Variants in SVOPL observed in about 807,000 individuals in gnomAD.
The protein encoded by SVOPL is SVOP like.
SVOPL carries 60 observed loss-of-function variants against 61.0 expected under a neutral mutation model. That is an observed-to-expected ratio of 0.98 (90% CI 0.80 to 1.22). The LOEUF is 1.22. Ranked by LOEUF, SVOPL falls within the 50% of genes most tolerant of loss-of-function variation. SVOPL has a pLI of 0.00. For synonymous variants in SVOPL, 279 were observed against 250.0 expected (o/e 1.12, Z -1.09); for missense variants, 662 against 643.9 (o/e 1.03, Z -0.30).
intron 3 of SVOPL, 72 bp downstream of exon 3, chr7:138,678,362 G>C: frequency 6.8e-7 from 1 of 1,478,528 alleles, no homozygotes; most frequent in Non-Finnish European, 9.1e-7. Flanking sequence ...CTCATATTTG[G>C]CTCAGAATAA....
intron 14 of SVOPL, among the ~76,000 whole-genome samples, chr7:138,608,688 A>C (rs1288909479): frequency 2.0e-5 from 3 of 149,566 alleles, no homozygotes; most frequent in African/African-American, 7.5e-5. Context: ...AAAAGTGTAC[A>C]CTCCCCCCCC....
intron 1 of SVOPL, among the ~76,000 whole-genome samples, chr7:138,691,796 C>T (rs1315065609): frequency 6.6e-6 from 1 of 151,972 alleles, no homozygotes; most frequent in Non-Finnish European, 1.5e-5. Context: ...CCACCTCGGC[C>T]TCCCAAAGTG....
intron 9 of SVOPL, among the ~76,000 whole-genome samples, chr7:138,638,314 A>G (rs1800605225): frequency 6.6e-6 from 1 of 151,744 alleles, no homozygotes; most frequent in Admixed American, 6.6e-5. Context: ...AAATTAACAC[A>G]ATAGAAAGGA....
At chr7:138,629,920 G>C in intron 10 of SVOPL, 129 bp downstream of exon 10, 1 of 696,928 alleles carries the variant, frequency 1.4e-6, no homozygotes. Flanking sequence ...ACAAAACATT[G>C]CTTGTCTTTG....
chr7:138,628,819 T>A lies in SVOPL; in HGVS notation c.864-456A>T, dbSNP rs1176483323. 2.0e-5 allele frequency among the ~76,000 whole-genome samples: 3 copies of A among 152,176 alleles called. No homozygotes were observed. The East Asian group carries it at 5.8e-4, about 29-fold the overall frequency. ...GACTTTAAGGTTGAGCATGTTTTGA[T>A]GTGTTTATCTGGTATATGTTTTTGG... On this transcript the variant is annotated intron_variant, in intron 10 of 15. Coordinates refer to ENST00000674285, the MANE Select transcript of SVOPL (RefSeq NM_001139456.2).
chr7:138,644,069 C>T (rs1800968702), intron 9 of SVOPL, among the ~76,000 whole-genome samples: 1 of 151,534 alleles, frequency 6.6e-6, no homozygotes, highest in Admixed American at 6.6e-5. Flanking sequence ...GGCATAGTGG[C>T]GGGCACCTGT....
At chr7:138,633,241 T>C (rs1469302248) in intron 9 of SVOPL, among the ~76,000 whole-genome samples, 1 of 152,194 alleles carries the variant, frequency 6.6e-6, no homozygotes, top group African/African-American at 2.4e-5. Flanking sequence ...GGGTTTCTTG[T>C]TTAATATAGT....
At chr7:138,597,346 G>T in intron 14 of SVOPL, 1 of 654,970 alleles carries the variant, frequency 1.5e-6, no homozygotes, top group Non-Finnish European at 2.2e-6. Context: ...TAGACTAAGT[G>T]ACTAGTCTCA....
At chr7:138,596,659 C>T (rs1798295528) in intron 14 of SVOPL, 129 bp from the exon 15 acceptor site, 1 of 1,410,736 alleles carries the variant, frequency 7.1e-7, no homozygotes, top group African/African-American at 1.4e-5. Context: ...CAGGTTGTAC[C>T]TTCCTGACAA....
At chr7:138,615,416 G>A (rs895025104) in intron 14 of SVOPL, among the ~76,000 whole-genome samples, 2 of 152,038 alleles carry the variant, frequency 1.3e-5, no homozygotes, top group Non-Finnish European at 2.9e-5. Flanking sequence ...AATTAGCCGG[G>A]CGTGGTGGCG....
At chr7:138,602,245 G>A (rs528214544) in intron 14 of SVOPL, among the ~76,000 whole-genome samples, 22 of 152,018 alleles carry the variant, frequency 1.4e-4, no homozygotes, top group Non-Finnish European at 2.1e-4. Context: ...GGACAAAGGC[G>A]TGTTGTGCAT....
At chr7:138,644,965 C>T (rs1801023347) in intron 8 of SVOPL, 120 bp from the exon 9 acceptor site, 5 of 1,305,576 alleles carry the variant, frequency 3.8e-6, no homozygotes, top group Admixed American at 2.1e-5. Flanking sequence ...ATGTAACCAG[C>T]TTAAAGGCAT....
chr7:138,601,052 C>T (rs970153596), intron 14 of SVOPL, among the ~76,000 whole-genome samples: 5 of 151,764 alleles, frequency 3.3e-5, no homozygotes, highest in Middle Eastern at 3.4e-3. Flanking sequence ...GAGATCGAGA[C>T]CATCCTGGCT....
rs1300461321 is a variant in SVOPL, at chr7:138,637,433, T to G, written c.789+7284A>C. Among the ~76,000 whole-genome samples the G allele has an allele frequency of 2.9e-4, 15 of 50,998 alleles. No homozygotes were observed. In the South Asian group the frequency reaches 9.0e-3, roughly 31 times the overall value. 33.5% of individuals were successfully genotyped at this position (50,998 alleles called of 152,430 possible). On this transcript the variant is annotated intron_variant, in intron 9 of 15. Transcript: ENST00000674285. Reference sequence around the variant, plus strand: ...ACAGAGCAAGACTCCATCTCATATATATATATATAGATAGATAGATAGATA... The same window carrying G: ...ACAGAGCAAGACTCCATCTCATATAGATATATATAGATAGATAGATAGATA...
chr7:138,675,958 C>T (rs1476246993), intron 3 of SVOPL, among the ~76,000 whole-genome samples: 2 of 152,198 alleles, frequency 1.3e-5, no homozygotes, highest in Non-Finnish European at 2.9e-5. Flanking sequence ...CCTGCCTCAG[C>T]CTCCCAAGTA....
At chr7:138,672,939 A>G (rs2117111755) in intron 3 of SVOPL, among the ~76,000 whole-genome samples, 1 of 152,002 alleles carries the variant, frequency 6.6e-6, no homozygotes, top group Non-Finnish European at 1.5e-5. Flanking sequence ...AGATGCTAGA[A>G]AAGAATTGAA....
intron 1 of SVOPL, among the ~76,000 whole-genome samples, chr7:138,695,319 C>T (rs1045499677): frequency 6.6e-6 from 1 of 152,122 alleles, no homozygotes; most frequent in Non-Finnish European, 1.5e-5. Flanking sequence ...CAAGACTAGC[C>T]TGGGCAACAT....
At chr7:138,690,961 G>T (rs1802926934) in intron 1 of SVOPL, among the ~76,000 whole-genome samples, 1 of 151,984 alleles carries the variant, frequency 6.6e-6, no homozygotes, top group African/African-American at 2.4e-5. Flanking sequence ...TTTTACTAGA[G>T]ACTGAGTTTC....
intron 14 of SVOPL, among the ~76,000 whole-genome samples, chr7:138,616,118 G>A (rs1473436306): frequency 5.3e-5 from 8 of 152,190 alleles, no homozygotes; most frequent in African/African-American, 7.2e-5. Context: ...GTGGGTGCCC[G>A]ATCTTGAACT....
Sources: gnomAD v4.1 joint callset for allele counts (sites outside exome capture counted in the v4.1 genomes callset) on GRCh38, gnomAD v4.1.1 for gene constraint, MANE v1.5 for transcripts, NCBI Gene and HGNC (gene_info 2026-07-23, HGNC 2026-07-21) for gene names.